The following PARD3B variants were observed in gnomAD, a reference collection of about 807,000 sequenced individuals.
PARD3B encodes par-3 family cell polarity regulator beta.
In PARD3B, 103 loss-of-function variants were observed where a neutral mutation model predicts 130.2. That is an observed-to-expected ratio of 0.79 (90% CI 0.67 to 0.93). The LOEUF is 0.93. Ranked by LOEUF, PARD3B falls within the 40% of genes least tolerant of loss-of-function variation. PARD3B has a pLI of 0.00. For missense variants in PARD3B, 1,609 were observed against 1,499.2 expected, an observed-to-expected ratio of 1.07 and a Z score of -1.21; for synonymous variants, 583 against 553.2, an observed-to-expected ratio of 1.05 and a Z score of -0.76.
intron 2 of PARD3B, among the ~76,000 whole-genome samples, chr2:204,933,782 C>G (rs1688207513): frequency 6.6e-6 from 1 of 151,926 alleles, no homozygotes; most frequent in African/African-American, 2.4e-5. Context: ...AGTTACTTCT[C>G]TCTTTCATTG....
chr2:204,946,888 G>A (rs564615134), intron 2 of PARD3B, among the ~76,000 whole-genome samples: 22 of 152,116 alleles, frequency 1.4e-4, no homozygotes, highest in Non-Finnish European at 2.8e-4. Flanking sequence ...GTCCCTATCC[G>A]AAGGCTGGAA....
Position 204,678,673 on chromosome 2 carries a change from C to T in PARD3B, c.121-7508C>T, listed in dbSNP as rs192928212. On this transcript the variant is annotated intron_variant, in intron 1 of 22. Transcript: ENST00000406610. This position sits in a 1 kb window ranked among gnomAD's most constrained non-coding sequence, Gnocchi z 4.2. ...TAGTCTCTGATGCGCAGTTGCTTCT[C>T]CTCTCGATGTTCAGCCGCTTGTCTC... Among the ~76,000 whole-genome samples, 561 of 152,120 alleles carry T rather than the reference C, an allele frequency of 3.7e-3. 2 individuals are homozygous for T. Among genetic ancestry groups the T allele is most frequent in the African/African-American group, 0.013 (544 of 41,522 alleles).
At chr2:204,942,811 G>A (rs1319513) in intron 2 of PARD3B, among the ~76,000 whole-genome samples, 37,321 of 151,934 alleles carry the variant, frequency 0.25, 4,891 homozygotes, top group African/African-American at 0.29. Flanking sequence ...TTGCAATCAA[G>A]TTTATATCTC....
intron 2 of PARD3B, among the ~76,000 whole-genome samples, chr2:204,938,378 A>G (rs375179720): frequency 2.2e-4 from 34 of 152,318 alleles, no homozygotes; most frequent in South Asian, 1.0e-3. Flanking sequence ...GCCTCAGCAC[A>G]TGCTGTTCCC....
chr2:204,877,246 G>T (rs2045880786), intron 2 of PARD3B, among the ~76,000 whole-genome samples: 1 of 152,130 alleles, frequency 6.6e-6, no homozygotes, highest in South Asian at 2.1e-4. Flanking sequence ...AGGGCCTGTT[G>T]TGGGGTGGGG....
intron 20 of PARD3B, among the ~76,000 whole-genome samples, chr2:205,497,046 G>C (rs767559789): frequency 1.2e-4 from 19 of 152,024 alleles, no homozygotes; most frequent in Non-Finnish European, 2.4e-4. Context: ...GTTGAAAATA[G>C]ACTGTGCTGC....
In PARD3B at chr2:204,867,916, T is replaced by C. The variant is rs76524145; in HGVS notation, c.223-97236T>C. 0.012 allele frequency among the ~76,000 whole-genome samples: 1,872 copies of C among 152,298 alleles called. 61 individuals are homozygous for C. The East Asian group carries it at 0.15, about 12-fold the overall frequency. On this transcript the variant is annotated intron_variant, in intron 2 of 22. Coordinates refer to ENST00000406610, the MANE Select transcript of PARD3B (RefSeq NM_001302769.2). ...ATATTGAAACTGACTAACCTACACC[T>C]TCTACTGTAAAAAGTATGGGAGAGG...
At chr2:204,987,035 G>A (rs752843585) in intron 3 of PARD3B, among the ~76,000 whole-genome samples, 5 of 152,088 alleles carry the variant, frequency 3.3e-5, no homozygotes, top group African/African-American at 9.7e-5. Flanking sequence ...GGACTCTCTC[G>A]TGTGGCTGTA....
In PARD3B at chr2:205,141,292, A is replaced by T. The variant is rs1487956242; in HGVS notation, c.1434+15555A>T. 2.6e-5 allele frequency among the ~76,000 whole-genome samples: 4 copies of T among 152,344 alleles called. No homozygotes were observed. In the East Asian group the frequency reaches 7.7e-4, roughly 29 times the overall value. On this transcript the variant is annotated intron_variant, in intron 10 of 22. Coordinates refer to ENST00000406610, the MANE Select transcript of PARD3B (RefSeq NM_001302769.2). ...GTTATTTAAGAAGAAAAAATAAAAA[A>T]ATAAAAGCACCACCAACTGTCAGAG...
intron 3 of PARD3B, among the ~76,000 whole-genome samples, chr2:205,034,127 C>T (rs72927564): frequency 0.011 from 1,599 of 152,266 alleles, 31 homozygotes; most frequent in Non-Finnish European, 0.011. Flanking sequence ...TTCATGACCT[C>T]CAAAGTTCTC....
rs2047922632 is a variant in PARD3B at position 205,446,812 on chromosome 2, T to G, written c.3044+6140T>G. ...GCCTGACAATTACTCAGGTTTACAATGTGTTAGTTTTCCACCGCAATGCCA... is the reference window on the plus strand; with the variant it reads ...GCCTGACAATTACTCAGGTTTACAAGGTGTTAGTTTTCCACCGCAATGCCA... On this transcript the variant is annotated intron_variant, in intron 20 of 22. Coordinates refer to ENST00000406610, the MANE Select transcript of PARD3B (RefSeq NM_001302769.2). This position sits in a 1 kb window ranked among gnomAD's most constrained non-coding sequence, Gnocchi z 4.4. Among the ~76,000 whole-genome samples the G allele has an allele frequency of 6.6e-6, 1 of 152,160 alleles. No individual in the cohort carries two copies. The highest frequency in any genetic ancestry group is 1.5e-5 in the Non-Finnish European group (1 of 68,030).
chr2:205,093,505 C>T (rs1486757657), intron 4 of PARD3B, among the ~76,000 whole-genome samples: 1 of 152,050 alleles, frequency 6.6e-6, no homozygotes, highest in African/African-American at 2.4e-5. Context: ...GAAAAAGTGG[C>T]TCATACTGAG....
intron 18 of PARD3B, among the ~76,000 whole-genome samples, chr2:205,328,043 A>G (rs2042994064): frequency 6.6e-6 from 1 of 152,204 alleles, no homozygotes; most frequent in Admixed American, 6.5e-5. Context: ...TCATTAGGCT[A>G]AAGAAAAAGC....
chr2:204,801,920 T>C (rs1185986205), intron 2 of PARD3B, among the ~76,000 whole-genome samples: 2 of 152,196 alleles, frequency 1.3e-5, no homozygotes, highest in Non-Finnish European at 2.9e-5. Flanking sequence ...CATGAAGCAG[T>C]GTTGAATTTT....
chr2:205,372,723 G>A (rs1013260273), intron 18 of PARD3B, among the ~76,000 whole-genome samples: 10 of 152,174 alleles, frequency 6.6e-5, no homozygotes, highest in African/African-American at 2.4e-4. Flanking sequence ...GCTCACACTT[G>A]TAATATTAGC....
At chr2:205,228,211 A>T (rs145573234) in intron 15 of PARD3B, among the ~76,000 whole-genome samples, 144 of 152,250 alleles carry the variant, frequency 9.5e-4, no homozygotes, top group African/African-American at 3.3e-3. Context: ...TGTACCTTCA[A>T]ATAATATCTC....
chr2:204,680,855 G>A (rs1007459438), intron 1 of PARD3B, among the ~76,000 whole-genome samples: 19 of 151,968 alleles, frequency 1.3e-4, no homozygotes, highest in African/African-American at 3.4e-4. Context: ...AATGATTTCA[G>A]ACCTTTGAAA....
At chr2:205,042,877 GA>G (rs76777414) in intron 3 of PARD3B, among the ~76,000 whole-genome samples, 1,561 of 137,830 alleles carry the variant, frequency 0.011, 12 homozygotes, top group African/African-American at 0.037. Context: ...TTAACTGTGT[GA>G]AAAAAAAAAA....
chr2:205,485,333 G>GT (rs1302087851), intron 20 of PARD3B, among the ~76,000 whole-genome samples: 1 of 152,164 alleles, frequency 6.6e-6, no homozygotes, highest in Non-Finnish European at 1.5e-5. Flanking sequence ...AAAATGATCA[G>GT]TTTTCAAACT....
Sources: gnomAD v4.1 joint callset for allele counts (sites outside exome capture counted in the v4.1 genomes callset) on GRCh38, gnomAD v4.1.1 for gene constraint, Gnocchi (gnomAD v3.1) non-coding constraint, MANE v1.5 for transcripts, NCBI Gene and HGNC (gene_info 2026-07-23, HGNC 2026-07-21) for gene names.